Variants in PTPRN2 observed in about 807,000 individuals in gnomAD.
The protein encoded by PTPRN2 is protein tyrosine phosphatase receptor type N2.
PTPRN2 carries 74 observed loss-of-function variants against 118.8 expected under a neutral mutation model. That is an observed-to-expected ratio of 0.62 (90% CI 0.52 to 0.76). The LOEUF (loss-of-function observed/expected upper bound fraction) is 0.76. PTPRN2 is among the 30% of genes least tolerant of loss of function. The probability of loss-of-function intolerance (pLI) is 0.00; values close to 1 mark genes in which losing one functional copy is unlikely to be tolerated. For missense variants in PTPRN2, 1,481 were observed against 1,394.4 expected (o/e 1.06, Z -0.99); for synonymous variants, 641 against 608.0 (o/e 1.05, Z -0.80).
In PTPRN2 at chr7:157,850,902, T is replaced by C. The variant is rs117587823; in HGVS notation, c.1788+47771A>G. 4.0e-3 allele frequency among the ~76,000 whole-genome samples: 617 copies of C among 152,384 alleles called. 4 individuals carry two copies. Among genetic ancestry groups the C allele is most frequent in the Non-Finnish European group, 7.3e-3 (494 of 68,044 alleles). ...AGAACGAATGGTCATCTCTGAAATA[T>C]GCTTTGCACATTAGGATTTTTCAGA... On this transcript the variant is annotated intron_variant, in intron 12 of 22. Transcript: ENST00000389418.
chr7:158,151,718 C>T (rs1286414945), intron 6 of PTPRN2, among the ~76,000 whole-genome samples: 1 of 152,150 alleles, frequency 6.6e-6, no homozygotes, highest in African/African-American at 2.4e-5. Context: ...TCCTCCCTCC[C>T]TCCCTTGCTA....
Position 158,133,657 on chromosome 7 carries a change from T to A in PTPRN2, c.1556+20A>T. 1 of 1,542,266 alleles carries A rather than the reference T, an allele frequency of 6.5e-7. No homozygotes were observed. The highest frequency in any genetic ancestry group is 1.2e-5 in the South Asian group (1 of 81,104). ...AGCCCTCCCTCGGCACACAGGAGCT[T>A]AGCCAGGGCTGCTACTCACTCTCTG... On this transcript the variant is annotated intron_variant, in intron 9 of 22. Transcript: ENST00000389418.
chr7:158,578,537 T>TAAAA (rs59811856), intron 1 of PTPRN2, among the ~76,000 whole-genome samples: 1 of 125,906 alleles, frequency 7.9e-6, no homozygotes, highest in Admixed American at 8.6e-5. Context: ...CCTGTCTCTG[T>TAAAA]AAAAAAAAAA....
chr7:157,696,848 C>T (rs1285121829), intron 12 of PTPRN2, among the ~76,000 whole-genome samples: 23 of 111,482 alleles, frequency 2.1e-4, no homozygotes, highest in African/African-American at 7.9e-4. Flanking sequence ...GCAGAGCCCT[C>T]ACCGTCTACA....
Position 157,621,451 on chromosome 7 carries a change from A to C in PTPRN2, c.2255T>G (p.Leu752Arg). ...GTTGGGCTCCGCCTGGTAGGCGCAC[A>C]GCGCTTCCCACTCCTTCTCCAGCCG... ...KNRLEKEWEA[L>R]CAYQAEPNSS... The change falls in exon 15 of 23, where the codon CTG (leucine) becomes CGG (arginine). Residue 752 changes from leucine (L) to arginine (R), a missense_variant. This residue lies in a region of PTPRN2 where 362 missense variants were observed against 384.1 expected (regional missense o/e 0.94). Coordinates refer to ENST00000389418, the MANE Select transcript of PTPRN2 (RefSeq NM_002847.5). 6.2e-7 allele frequency: 1 copy of C among 1,613,976 alleles called. No homozygotes were observed. Among genetic ancestry groups the C allele is most frequent in the Non-Finnish European group, 8.5e-7 (1 of 1,180,018 alleles).
chr7:157,989,098 C>T (rs1804043301), intron 11 of PTPRN2, among the ~76,000 whole-genome samples: 1 of 152,214 alleles, frequency 6.6e-6, no homozygotes, highest in South Asian at 2.1e-4. Flanking sequence ...AAGAAGATCC[C>T]GGCACAGCTC....
rs1432420474 is a variant in PTPRN2, at chr7:158,407,218, CTG to C, written c.163+82515_163+82516del. ...GGTCCTGGGTCCTGGGTCCTGCGTC[CTG>C]CGTCCTGGGTCCTGGGTCCTGGGTC... On this transcript the variant is annotated intron_variant, in intron 2 of 22. Transcript: ENST00000389418. 5.6e-3 allele frequency among the ~76,000 whole-genome samples: 282 copies of C among 50,594 alleles called. 26 individuals are homozygous for C. Among genetic ancestry groups the C allele is most frequent in the Non-Finnish European group, 6.6e-3 (162 of 24,512 alleles). The allele number at this position is 50,594 out of a possible 152,430, so 33.2% of individuals were successfully genotyped here. A position where few individuals can be genotyped will look rare whatever the true frequency, so the allele number is the denominator to read the frequency against.
chr7:158,407,127 C>T (rs1813518764), intron 2 of PTPRN2, among the ~76,000 whole-genome samples: 1 of 150,236 alleles, frequency 6.7e-6, no homozygotes, highest in Admixed American at 6.6e-5. Context: ...GTCCTGGGTC[C>T]TGGGTCCTGC....
At chr7:158,241,721 A>G (rs73520519) in intron 3 of PTPRN2, among the ~76,000 whole-genome samples, 10,198 of 152,170 alleles carry the variant, frequency 0.067, 1,143 homozygotes, top group African/African-American at 0.23. Flanking sequence ...CCTGAATCTT[A>G]TGATTGATTT....
intron 3 of PTPRN2, among the ~76,000 whole-genome samples, chr7:158,233,807 TA>T (rs1473117972): frequency 6.6e-6 from 1 of 152,044 alleles, no homozygotes; most frequent in Admixed American, 6.6e-5. Context: ...AGAATCCAGG[TA>T]TAAATTCACA....
At chr7:157,846,173 G>T (rs1208875659) in intron 12 of PTPRN2, among the ~76,000 whole-genome samples, 3 of 152,142 alleles carry the variant, frequency 2.0e-5, no homozygotes, top group African/African-American at 7.2e-5. Context: ...CAATGAAGAT[G>T]AGCCGCCAAT....
In PTPRN2 at chr7:157,999,452, C is replaced by T. The variant is rs80104004; in HGVS notation, c.1723+81846G>A. Among the ~76,000 whole-genome samples, 886 of 152,308 alleles carry T rather than the reference C, an allele frequency of 5.8e-3. 8 individuals carry two copies. Among genetic ancestry groups the T allele is most frequent in the African/African-American group, 0.02 (829 of 41,566 alleles). ...AAGATAAAGCAGCCCAATAAAGACC[C>T]GGCTGAAGGCTTTTGTGTTCTCTCA... On this transcript the variant is annotated intron_variant, in intron 11 of 22. Transcript: ENST00000389418.
chr7:157,545,850 T>A (rs1281452665), intron 22 of PTPRN2, among the ~76,000 whole-genome samples: 2 of 152,172 alleles, frequency 1.3e-5, no homozygotes, highest in African/African-American at 4.8e-5. Context: ...GCGACGTGAC[T>A]TCCTCCGTTC....
Position 157,829,200 on chromosome 7 carries a change from T to C in PTPRN2, c.1788+69473A>G, listed in dbSNP as rs145131121. Reference sequence around the variant, plus strand: ...GAAATGTATTTTGAAGAGTCCATAATAAACTGTCTTCTACAATGAGGAGCT... The same window carrying C: ...GAAATGTATTTTGAAGAGTCCATAACAAACTGTCTTCTACAATGAGGAGCT... On this transcript the variant is annotated intron_variant, in intron 12 of 22. Transcript: ENST00000389418. 2.7e-3 allele frequency among the ~76,000 whole-genome samples: 407 copies of C among 152,372 alleles called. 2 individuals carry two copies. The highest frequency in any genetic ancestry group is 9.1e-3 in the African/African-American group (379 of 41,594).
intron 1 of PTPRN2, among the ~76,000 whole-genome samples, chr7:158,581,555 G>T (rs1828627928): frequency 6.6e-6 from 1 of 152,170 alleles, no homozygotes; most frequent in South Asian, 2.1e-4. Context: ...ATTTTAAAAA[G>T]AAAGCTCCAG....
At chr7:158,103,122 G>A (rs866689210) in intron 10 of PTPRN2, among the ~76,000 whole-genome samples, 8 of 152,170 alleles carry the variant, frequency 5.3e-5, no homozygotes, top group Non-Finnish European at 7.3e-5. Flanking sequence ...AAGGGCCTGC[G>A]GTCATTGGCT....
intron 11 of PTPRN2, among the ~76,000 whole-genome samples, chr7:157,922,634 G>A (rs1236422118): frequency 6.6e-6 from 1 of 152,174 alleles, no homozygotes; most frequent in African/African-American, 2.4e-5. Flanking sequence ...CTCAATATAA[G>A]CTCCTTTTGC....
At chr7:158,330,207 C>T (rs1586291425) in intron 2 of PTPRN2, among the ~76,000 whole-genome samples, 1 of 143,832 alleles carries the variant, frequency 7.0e-6, no homozygotes, top group Non-Finnish European at 1.5e-5. Flanking sequence ...ACACTCTCAC[C>T]ATAAGAGCTG....
intron 6 of PTPRN2, among the ~76,000 whole-genome samples, chr7:158,141,430 C>T (rs981491125): frequency 3.9e-5 from 6 of 152,288 alleles, no homozygotes; most frequent in South Asian, 2.1e-4. Flanking sequence ...CCGGTCCCCA[C>T]GTGCCCCGTT....
Sources: gnomAD v4.1 joint callset for allele counts (sites outside exome capture counted in the v4.1 genomes callset) on GRCh38, gnomAD v4.1.1 for gene constraint, gnomAD v4.1.1 regional missense constraint, MANE v1.5 for transcripts, NCBI Gene and HGNC (gene_info 2026-07-23, HGNC 2026-07-21) for gene names.